The following CHN1 variants were observed in gnomAD, a reference collection of about 807,000 sequenced individuals.
CHN1 encodes the protein chimerin 1.
Under a neutral mutation model 59.5 loss-of-function variants are expected in CHN1, and 37 were observed. The ratio of observed to expected loss-of-function variants is 0.62; its 90% confidence interval spans 0.48 to 0.82. The LOEUF is 0.82. Ranked by LOEUF, CHN1 falls within the 40% of genes least tolerant of loss-of-function variation. CHN1 has a pLI of 0.00. For missense variants in CHN1, 469 were observed against 571.0 expected (o/e 0.82, Z 1.82); for synonymous variants, 206 against 200.4 (o/e 1.03, Z -0.24).
chr2:174,845,581 T>C (rs1435702208), intron 7 of CHN1, among the ~76,000 whole-genome samples: 2 of 152,062 alleles, frequency 1.3e-5, no homozygotes, highest in Non-Finnish European at 1.5e-5. Flanking sequence ...AATCAAGATA[T>C]TGGTTGAAAG....
intron 6 of CHN1, among the ~76,000 whole-genome samples, chr2:174,856,524 A>G (rs1463563473): frequency 6.6e-6 from 1 of 152,232 alleles, no homozygotes; most frequent in African/African-American, 2.4e-5. Context: ...CAAACAAAAA[A>G]GGATAGCCCT....
At chr2:174,809,231 C>T (rs979498627) in intron 10 of CHN1, among the ~76,000 whole-genome samples, 189 bp from the exon 11 acceptor site, 1 of 152,194 alleles carries the variant, frequency 6.6e-6, no homozygotes, top group Non-Finnish European at 1.5e-5. Flanking sequence ...TGATCTCCAG[C>T]ATGCCTTACC....
At chr2:174,996,378 G>T (rs2105469143) in intron 1 of CHN1, among the ~76,000 whole-genome samples, 1 of 152,290 alleles carries the variant, frequency 6.6e-6, no homozygotes, top group South Asian at 2.1e-4. Context: ...GTTAAATGGA[G>T]AAATTGTTCT....
At chr2:174,875,338 G>A (rs1191445083) in intron 6 of CHN1, among the ~76,000 whole-genome samples, 1 of 152,068 alleles carries the variant, frequency 6.6e-6, no homozygotes, top group Non-Finnish European at 1.5e-5. Flanking sequence ...CTGTCCCAAG[G>A]TCATACAATT....
rs143269642 is a variant in CHN1, at chr2:174,812,695, C to T, written c.713-213G>A. On this transcript the variant is annotated intron_variant, in intron 8 of 12. Coordinates refer to ENST00000409900, the MANE Select transcript of CHN1 (RefSeq NM_001822.7). ...GCCAGGAGACCAGAATTCTAGCTCA[C>T]GCTTCATCGTTTAATTGCTGTATGA... is the stretch of plus-strand genomic sequence containing the variant. 4.1e-3 allele frequency among the ~76,000 whole-genome samples: 623 copies of T among 152,004 alleles called. 3 individuals are homozygous for T. Among genetic ancestry groups the T allele is most frequent in the African/African-American group, 4.8e-3 (201 of 41,478 alleles).
At chr2:174,911,804 C>T (rs3771913) in intron 5 of CHN1, among the ~76,000 whole-genome samples, 71,308 of 151,856 alleles carry the variant, frequency 0.47, 17,532 homozygotes, top group African/African-American at 0.6. Context: ...ATGAGGGAGG[C>T]GTGTTCTTTG....
intron 7 of CHN1, among the ~76,000 whole-genome samples, chr2:174,828,804 C>A (rs1188932972): frequency 1.3e-5 from 2 of 152,260 alleles, no homozygotes; most frequent in African/African-American, 2.4e-5. Context: ...AGGGCTTGGG[C>A]CTGAAGCTCT....
intron 1 of CHN1, among the ~76,000 whole-genome samples, chr2:174,986,610 A>ACC (rs1691350733): frequency 7.5e-6 from 1 of 133,790 alleles, no homozygotes; most frequent in Non-Finnish European, 1.7e-5. Context: ...TGCTTCTGTT[A>ACC]CCCTTAAGAC....
chr2:174,825,256 C>T (rs1403314530), intron 7 of CHN1, among the ~76,000 whole-genome samples: 1 of 152,120 alleles, frequency 6.6e-6, no homozygotes. Flanking sequence ...AGTAGGATCA[C>T]AGACATTAAA....
At chr2:174,918,466 G>C in intron 4 of CHN1, 68 bp downstream of exon 4, 1 of 1,147,016 alleles carries the variant, frequency 8.7e-7, no homozygotes, top group East Asian at 2.9e-5. Context: ...TCATTTAAAA[G>C]CATCCATTTA....
At chr2:174,842,122 GT>G (rs1437491220) in intron 7 of CHN1, among the ~76,000 whole-genome samples, 3 of 152,070 alleles carry the variant, frequency 2.0e-5, no homozygotes, top group African/African-American at 7.2e-5. Context: ...ACAACCAAAG[GT>G]CCCCCGCATG....
In CHN1 at chr2:174,918,510, CG is replaced by C. The variant is rs758714865; in HGVS notation, c.146+23del. The C allele has an allele frequency of 2.4e-5, 37 of 1,556,976 alleles. No homozygotes were observed. In the South Asian group the frequency reaches 4.4e-4, roughly 19 times the overall value. On this transcript the variant is annotated intron_variant, in intron 4 of 12. Coordinates refer to ENST00000409900, the MANE Select transcript of CHN1 (RefSeq NM_001822.7). ...GTCTTACATATGCCAATCTATAAAA[CG>C]TTTTCTAATAATCCATACTTACTCT... is the stretch of plus-strand genomic sequence containing the variant.
chr2:174,945,703 T>C (rs1689807420), intron 2 of CHN1, among the ~76,000 whole-genome samples: 1 of 152,070 alleles, frequency 6.6e-6, no homozygotes, highest in African/African-American at 2.4e-5. Context: ...TATAATCACA[T>C]ATAATTTAAT....
intron 6 of CHN1, among the ~76,000 whole-genome samples, chr2:174,863,205 A>G (rs995718898): frequency 6.6e-6 from 1 of 152,194 alleles, no homozygotes; most frequent in Middle Eastern, 3.2e-3. Context: ...CAGTGAACCA[A>G]TATTTTACAA....
intron 3 of CHN1, among the ~76,000 whole-genome samples, chr2:174,930,768 ATTTTT>A (rs145852596): frequency 6.9e-6 from 1 of 145,814 alleles, no homozygotes; most frequent in Non-Finnish European, 1.5e-5. Flanking sequence ...ACTATAGCTG[ATTTTT>A]TTTTTTTTTG....
intron 5 of CHN1, among the ~76,000 whole-genome samples, chr2:174,888,333 T>C (rs1462139728): frequency 2.0e-5 from 3 of 151,932 alleles, no homozygotes; most frequent in Admixed American, 6.6e-5. Flanking sequence ...ACCTACACAA[T>C]TGTCTGAAAT....
At chr2:174,870,836 A>G (rs1279778264) in intron 6 of CHN1, among the ~76,000 whole-genome samples, 3 of 152,232 alleles carry the variant, frequency 2.0e-5, no homozygotes, top group Non-Finnish European at 4.4e-5. Flanking sequence ...CCCTTAAATC[A>G]GTAATTTAAG....
intron 6 of CHN1, among the ~76,000 whole-genome samples, chr2:174,858,979 T>TACACAC (rs71407155): frequency 0.032 from 4,558 of 142,456 alleles, 88 homozygotes; most frequent in Non-Finnish European, 0.044. Flanking sequence ...TTTCCTCCTC[T>TACACAC]ACACACACAC....
chr2:174,820,695 C>T (rs1021051298), intron 8 of CHN1, among the ~76,000 whole-genome samples: 9 of 152,184 alleles, frequency 5.9e-5, no homozygotes, highest in Non-Finnish European at 1.2e-4. Flanking sequence ...TTGTCCTCAT[C>T]GCTGCGGTGT....
Sources: gnomAD v4.1 joint callset for allele counts (sites outside exome capture counted in the v4.1 genomes callset) on GRCh38, gnomAD v4.1.1 for gene constraint, MANE v1.5 for transcripts, NCBI Gene and HGNC (gene_info 2026-07-23, HGNC 2026-07-21) for gene names.